Variants in ERICH3 observed in about 807,000 individuals in gnomAD.
The protein encoded by ERICH3 is glutamate rich 3, also known as glutamate-rich protein 3.
Under a neutral mutation model 131.1 loss-of-function variants are expected in ERICH3, and 126 were observed. That is an observed-to-expected ratio of 0.96 (90% CI 0.83 to 1.11). The LOEUF (loss-of-function observed/expected upper bound fraction) is 1.11, where lower values mean the gene tolerates loss of function less well. Among genes scored for constraint, ERICH3 ranks in the 50% most tolerant of loss-of-function variants. The pLI, the probability that ERICH3 is intolerant of heterozygous loss-of-function variation, is 0.00. For synonymous variants in ERICH3, 695 were observed against 644.6 expected, an observed-to-expected ratio of 1.08 and a Z score of -1.18; for missense variants, 2,050 against 1,810.7, an observed-to-expected ratio of 1.13 and a Z score of -2.40.
At position 74,659,228 on chromosome 1, in the gene ERICH3, G is replaced by T. The variant is rs559751143; in HGVS notation, c.24-9913C>A. ...GGAAGAGGGATTACCACATGCAAAG[G>T]TCCAGGGATAAGAGAGTACCATGGT... On this transcript the variant is annotated intron_variant, in intron 1 of 14. Transcript: ENST00000326665. 3.7e-4 allele frequency among the ~76,000 whole-genome samples: 57 copies of T among 152,212 alleles called. No individual in the cohort carries two copies. The South Asian group carries it at 9.5e-3, about 25-fold the overall frequency.
At chr1:74,589,585 T>C (rs1469916072) in intron 12 of ERICH3, 46 bp downstream of exon 12, 1 of 1,559,992 alleles carries the variant, frequency 6.4e-7, no homozygotes, top group Non-Finnish European at 8.8e-7. Flanking sequence ...AAAATCAGCT[T>C]CCATGCATGA....
intron 12 of ERICH3, chr1:74,586,320 CAT>C (rs1476361483): frequency 9.7e-5 from 80 of 821,248 alleles, no homozygotes; most frequent in Non-Finnish European, 1.1e-4. Context: ...ATAAAAATAA[CAT>C]ATGTATATGT....
At chr1:74,629,369 G>T (rs1012885872) in intron 7 of ERICH3, among the ~76,000 whole-genome samples, 9 of 149,408 alleles carry the variant, frequency 6.0e-5, no homozygotes, top group Non-Finnish European at 1.3e-4. Flanking sequence ...AGAGAAAAAG[G>T]TTTTTTTTTT....
chr1:74,628,366 G>A (rs149538544), intron 7 of ERICH3, among the ~76,000 whole-genome samples: 8 of 152,180 alleles, frequency 5.3e-5, no homozygotes, highest in East Asian at 3.9e-4. Flanking sequence ...GGTTGCTCAC[G>A]GGTGGACGAT....
chr1:74,571,572 C>G lies in ERICH3; in HGVS notation c.4138G>C (p.Asp1380His), dbSNP rs768827192. Residue 1380 changes from aspartate to histidine, a missense_variant, in exon 14 of 15, where the codon GAT becomes CAT. By Grantham distance (81) the Asp-to-His change is moderately conservative. Coordinates refer to ENST00000326665, the MANE Select transcript of ERICH3 (RefSeq NM_001002912.5). ...TGCCAGGTTTCTTCCTCAGCAACATCTGAAAAGGAGGAGGCTTTATTTGCT... is the reference window on the plus strand; with the variant it reads ...TGCCAGGTTTCTTCCTCAGCAACATGTGAAAAGGAGGAGGCTTTATTTGCT... ...TIANKASSFS[D>H]VAEEETWHQQ... 1 of 1,614,166 alleles carries G rather than the reference C, an allele frequency of 6.2e-7. No individual in the cohort carries two copies. Among genetic ancestry groups the G allele is most frequent in the Admixed American group, 1.7e-5 (1 of 60,022 alleles).
At position 74,641,381 on chromosome 1, in the gene ERICH3, G is replaced by C; in HGVS notation, c.394C>G (p.Arg132Gly). 6.2e-7 allele frequency: 1 copy of C among 1,612,780 alleles called. No individual in the cohort carries two copies. The highest frequency in any genetic ancestry group is 8.5e-7 in the Non-Finnish European group (1 of 1,179,416). The part of the protein sequence containing the change: ...PHPPVGPKSN[R>G]GHSVLVDEGH... ...TCATCAACCAGAACACTATGGCCACGATTACTCTTTGGGCCAACTGGTGGG... is the reference window on the plus strand; with the variant it reads ...TCATCAACCAGAACACTATGGCCACCATTACTCTTTGGGCCAACTGGTGGG... Residue 132 changes from arginine to glycine, a missense_variant, in exon 5 of 15, where the codon CGT becomes GGT. Transcript: ENST00000326665.
In ERICH3 at chr1:74,650,449, T is replaced by C. The variant is rs74093498; in HGVS notation, c.24-1134A>G. On this transcript the variant is annotated intron_variant, in intron 1 of 14. Coordinates refer to ENST00000326665, the MANE Select transcript of ERICH3 (RefSeq NM_001002912.5). ...CATGGTGCATGCACATATACATTCA[T>C]ACATAGACATATACATAGATGTTAG... 4.0e-3 allele frequency among the ~76,000 whole-genome samples: 615 copies of C among 152,288 alleles called. 1 individual carries two copies. Among genetic ancestry groups the C allele is most frequent in the African/African-American group, 0.014 (585 of 41,560 alleles).
At chr1:74,574,809 T>G (rs1398534248) in intron 13 of ERICH3, among the ~76,000 whole-genome samples, 1 of 152,178 alleles carries the variant, frequency 6.6e-6, no homozygotes, top group Non-Finnish European at 1.5e-5. Context: ...GAAAGGCATG[T>G]CATGCCAAAC....
chr1:74,599,641 T>A, intron 11 of ERICH3, 54 bp downstream of exon 11: 1 of 1,358,904 alleles, frequency 7.4e-7, no homozygotes, highest in South Asian at 1.4e-5. Flanking sequence ...CAAAGAAAAG[T>A]AGTAAACACA....
chr1:74,654,407 ATCCTACTGTT>A (rs1285917695), intron 1 of ERICH3, among the ~76,000 whole-genome samples: 1 of 151,642 alleles, frequency 6.6e-6, no homozygotes, highest in African/African-American at 2.4e-5. Flanking sequence ...GGATATGTAT[ATCCTACTGTT>A]TCTCTTAGTT....
At chr1:74,655,393 C>G (rs1210444844) in intron 1 of ERICH3, among the ~76,000 whole-genome samples, 2 of 152,272 alleles carry the variant, frequency 1.3e-5, no homozygotes, top group East Asian at 3.9e-4. Flanking sequence ...TCTGCAGGAT[C>G]TAAAGGAGAA....
intron 12 of ERICH3, among the ~76,000 whole-genome samples, chr1:74,582,590 T>A (rs1245867330): frequency 6.6e-6 from 1 of 152,136 alleles, no homozygotes; most frequent in Non-Finnish European, 1.5e-5. Flanking sequence ...TATGTTAATG[T>A]AGAAACTTAG....
At position 74,653,551 on chromosome 1, in the gene ERICH3, T is replaced by G. The variant is rs145346294; in HGVS notation, c.24-4236A>C. Among the ~76,000 whole-genome samples the G allele has an allele frequency of 2.1e-4, 32 of 152,052 alleles. No individual in the cohort carries two copies. The East Asian group carries it at 6.2e-3, about 30-fold the overall frequency. On this transcript the variant is annotated intron_variant, in intron 1 of 14. Transcript: ENST00000326665. ...ACTGAATCCTGAGCTGGGGAAGGAG[T>G]GTAATATCCATATTCCATTTTGCAG... is the stretch of plus-strand genomic sequence containing the variant.
chr1:74,656,747 G>A (rs1646588597), intron 1 of ERICH3, among the ~76,000 whole-genome samples: 1 of 152,150 alleles, frequency 6.6e-6, no homozygotes, highest in South Asian at 2.1e-4. Flanking sequence ...AGGAAGCTGA[G>A]GTTCTAAAAG....
chr1:74,593,234 G>A (rs56225526), intron 11 of ERICH3, among the ~76,000 whole-genome samples: 8 of 152,124 alleles, frequency 5.3e-5, no homozygotes, highest in African/African-American at 1.9e-4. Context: ...GAGCTCTCCA[G>A]GCCCTTCTTC....
At chr1:74,582,956 G>T (rs1390542332) in intron 12 of ERICH3, among the ~76,000 whole-genome samples, 1 of 151,914 alleles carries the variant, frequency 6.6e-6, no homozygotes, top group Admixed American at 6.6e-5. Flanking sequence ...TGCTTATTTT[G>T]TTTCTTTCTT....
intron 12 of ERICH3, among the ~76,000 whole-genome samples, chr1:74,578,907 T>G (rs988579511): frequency 6.6e-6 from 1 of 152,162 alleles, no homozygotes; most frequent in African/African-American, 2.4e-5. Flanking sequence ...AATTGTGACT[T>G]AACAATATTA....
chr1:74,572,347 T>C lies in ERICH3; in HGVS notation c.3363A>G (p.Glu1121=), dbSNP rs1222282763. The C allele has an allele frequency of 2.5e-6, 4 of 1,613,640 alleles. No homozygotes were observed. In the African/African-American group the frequency reaches 5.3e-5, roughly 22 times the overall value. Reference sequence around the variant, plus strand: ...CTTCGTTCTCAGCATCAGATCCCATTTCATTTGGGGGAGCTTTTGTCTCTT... The same window carrying C: ...CTTCGTTCTCAGCATCAGATCCCATCTCATTTGGGGGAGCTTTTGTCTCTT... ...AEEETKAPPN[E]MGSDAENEAP... is the part of the protein sequence containing the mutation. Residue 1121 remains glutamate (E), a synonymous_variant, in exon 14 of 15, where the codon GAA becomes GAG. Transcript: ENST00000326665.
intron 1 of ERICH3, among the ~76,000 whole-genome samples, chr1:74,657,521 G>T (rs868334208): frequency 1.3e-5 from 2 of 151,928 alleles, no homozygotes; most frequent in African/African-American, 2.4e-5. Context: ...TTTTTTATTT[G>T]CATCCAAACC....
Sources: allele counts gnomAD v4.1 joint callset (sites outside exome capture counted in the v4.1 genomes callset), GRCh38; gene constraint gnomAD v4.1.1; transcripts MANE v1.5; gene names NCBI Gene and HGNC (gene_info 2026-07-23, HGNC 2026-07-21).